Variants in SNTG2 observed in about 807,000 individuals in gnomAD.
SNTG2 encodes the protein syntrophin gamma 2.
In SNTG2, 74 loss-of-function variants were observed where a neutral mutation model predicts 70.9. That is an observed-to-expected ratio of 1.04 (90% CI 0.86 to 1.27). SNTG2 has a LOEUF of 1.27. SNTG2 is among the 50% of genes most tolerant of loss of function. The pLI is 0.00. For missense variants in SNTG2, 717 were observed against 690.7 expected, an observed-to-expected ratio of 1.04 and a Z score of -0.43; for synonymous variants, 278 against 273.8, an observed-to-expected ratio of 1.02 and a Z score of -0.15.
chr2:1,065,235 C>A (rs1451532301), intron 1 of SNTG2, among the ~76,000 whole-genome samples: 1 of 152,092 alleles, frequency 6.6e-6, no homozygotes, highest in African/African-American at 2.4e-5. Flanking sequence ...TGGCCACCTG[C>A]TTTTCCGGGA....
chr2:1,152,481 A>G (rs1572577422), intron 6 of SNTG2, among the ~76,000 whole-genome samples: 1 of 152,270 alleles, frequency 6.6e-6, no homozygotes, highest in East Asian at 1.9e-4. Flanking sequence ...TTATGTCTGC[A>G]TGTGCATGGA....
chr2:1,239,682 TGA>T (rs1330442238), intron 10 of SNTG2, 54 bp from the exon 11 acceptor site: 1 of 1,580,428 alleles, frequency 6.3e-7, no homozygotes, highest in East Asian at 2.2e-5. Context: ...GTCACTCAGG[TGA>T]GCCATCCTGG....
At chr2:1,223,245 G>A (rs1011644615) in intron 9 of SNTG2, among the ~76,000 whole-genome samples, 10 of 127,126 alleles carry the variant, frequency 7.9e-5, no homozygotes, top group East Asian at 5.9e-4. Flanking sequence ...GTGCTGGATC[G>A]CTGTAGAGGA....
chr2:1,124,263 T>C (rs959907484), intron 4 of SNTG2, among the ~76,000 whole-genome samples: 1 of 152,050 alleles, frequency 6.6e-6, no homozygotes, highest in Non-Finnish European at 1.5e-5. Flanking sequence ...TCAATTACAA[T>C]TTGAAAATAT....
intron 1 of SNTG2, among the ~76,000 whole-genome samples, chr2:991,372 T>TACACACACACACAC (rs61002101): frequency 0.025 from 3,553 of 140,288 alleles, 58 homozygotes; most frequent in South Asian, 0.048. Flanking sequence ...TCTGTAATAT[T>TACACACACACACAC]ACACACACAC....
intron 16 of SNTG2, among the ~76,000 whole-genome samples, chr2:1,328,786 C>T (rs898867161): frequency 2.6e-5 from 4 of 152,100 alleles, no homozygotes; most frequent in Admixed American, 6.6e-5. Context: ...AGCCTCAAAA[C>T]GTGTGTATCC....
At chr2:1,282,774 C>T (rs1020738236) in intron 14 of SNTG2, among the ~76,000 whole-genome samples, 2 of 145,542 alleles carry the variant, frequency 1.4e-5, no homozygotes, top group African/African-American at 5.0e-5. Flanking sequence ...GAGCTGGGCG[C>T]TCTCCAAGTC....
chr2:1,096,430 G>T (rs1029952008), intron 2 of SNTG2, among the ~76,000 whole-genome samples: 1 of 152,114 alleles, frequency 6.6e-6, no homozygotes, highest in African/African-American at 2.4e-5. Flanking sequence ...TAGAGCCACA[G>T]AACTTGTTTA....
intron 14 of SNTG2, among the ~76,000 whole-genome samples, chr2:1,268,883 A>C (rs1357358544): frequency 2.0e-5 from 3 of 152,148 alleles, no homozygotes; most frequent in Non-Finnish European, 4.4e-5. Context: ...AAGTAGAGAG[A>C]ATTCTCCATT....
At chr2:1,350,401 G>T (rs1206302411) in intron 16 of SNTG2, among the ~76,000 whole-genome samples, 2 of 152,296 alleles carry the variant, frequency 1.3e-5, no homozygotes, top group African/African-American at 4.8e-5. Flanking sequence ...AGCTTGCCCC[G>T]ATACACGTGC....
chr2:1,307,416 GGT>G (rs1228364261), intron 14 of SNTG2, among the ~76,000 whole-genome samples: 5 of 148,622 alleles, frequency 3.4e-5, no homozygotes, highest in Non-Finnish European at 7.4e-5. Flanking sequence ...GAGTGTGTGT[GGT>G]GTGTGTGAGC....
chr2:1,255,908 AT>A (rs1558602948), intron 12 of SNTG2, among the ~76,000 whole-genome samples: 5 of 122,458 alleles, frequency 4.1e-5, no homozygotes, highest in Non-Finnish European at 8.5e-5. Context: ...ATATATATAA[AT>A]ATATATATAA....
At chr2:1,092,966 GGATT>G (rs1665132474) in intron 2 of SNTG2, among the ~76,000 whole-genome samples, 1 of 152,166 alleles carries the variant, frequency 6.6e-6, no homozygotes, top group Admixed American at 6.5e-5. Context: ...AAGAAAAGCA[GGATT>G]GACTTTGAAA....
At chr2:1,347,474 C>T (rs1370593000) in intron 16 of SNTG2, among the ~76,000 whole-genome samples, 2 of 152,202 alleles carry the variant, frequency 1.3e-5, no homozygotes, top group Non-Finnish European at 1.5e-5. Flanking sequence ...TTTGAAAGCA[C>T]TAGTTTACAA....
Position 1,231,805 on chromosome 2 carries a change from TCAAA to T in SNTG2, c.720-6080_720-6077del, listed in dbSNP as rs1448209706. 2.7e-4 allele frequency among the ~76,000 whole-genome samples: 41 copies of T among 152,070 alleles called. 1 individual carries two copies. The highest frequency in any genetic ancestry group is 2.4e-3 in the Admixed American group (36 of 15,280). ...GGTGCTGGAATCCTGCTGGGTCTTC[TCAAA>T]CATTTACTCACAAAGCAAACACTCA... On this transcript the variant is annotated intron_variant, in intron 9 of 16. Transcript: ENST00000308624.
intron 1 of SNTG2, among the ~76,000 whole-genome samples, chr2:1,060,469 A>T (rs1480270708): frequency 1.3e-5 from 2 of 152,198 alleles, no homozygotes; most frequent in Non-Finnish European, 1.5e-5. Flanking sequence ...CTCTAGCATG[A>T]GAACCCCAGC....
intron 14 of SNTG2, among the ~76,000 whole-genome samples, chr2:1,273,321 T>C (rs890126970): frequency 6.6e-6 from 1 of 152,220 alleles, no homozygotes; most frequent in Non-Finnish European, 1.5e-5. Context: ...TTCTGATAAT[T>C]TCTCCTTTTT....
chr2:1,177,979 TTTG>T (rs957569140), intron 8 of SNTG2, among the ~76,000 whole-genome samples: 29 of 152,200 alleles, frequency 1.9e-4, no homozygotes, highest in African/African-American at 6.3e-4. Context: ...CACTTATCAT[TTTG>T]TTGTTGTTCT....
rs531935518 is a variant in SNTG2 at position 996,989 on chromosome 2, C to G, written c.72+45921C>G. Among the ~76,000 whole-genome samples, 7 of 152,178 alleles carry G rather than the reference C, an allele frequency of 4.6e-5. No homozygotes were observed. In the South Asian group the frequency reaches 1.2e-3, roughly 27 times the overall value. ...TACTAGTACCCTATGTGTGTCTGGT[C>G]ATCAACTCAGCAGCACTTCGTTCTG... On this transcript the variant is annotated intron_variant, in intron 1 of 16. Transcript: ENST00000308624.
Sources: allele counts gnomAD v4.1 joint callset (sites outside exome capture counted in the v4.1 genomes callset), GRCh38; gene constraint gnomAD v4.1.1; transcripts MANE v1.5; gene names NCBI Gene and HGNC (gene_info 2026-07-23, HGNC 2026-07-21).